TRABD2B: variants seen among roughly 807,000 people sequenced by gnomAD.
TRABD2B encodes TraB domain containing 2B.
A neutral mutation model predicts 40.1 loss-of-function variants in TRABD2B; 14 were observed. The ratio of observed to expected loss-of-function variants is 0.35; its 90% CI spans 0.23 to 0.55. The LOEUF (loss-of-function observed/expected upper bound fraction) is 0.55, where lower values mean the gene tolerates loss of function less well. TRABD2B is among the 20% of genes least tolerant of loss of function. The pLI, the probability that TRABD2B is intolerant of heterozygous loss-of-function variation, is 0.90. For synonymous variants in TRABD2B, 263 were observed against 277.0 expected, an observed-to-expected ratio of 0.95 and a Z score of 0.50; for missense variants, 541 against 648.6, an observed-to-expected ratio of 0.83 and a Z score of 1.80.
At chr1:47,957,982 G>A (rs1645449891) in intron 2 of TRABD2B, among the ~76,000 whole-genome samples, 1 of 152,158 alleles carries the variant, frequency 6.6e-6, no homozygotes, top group African/African-American at 2.4e-5. Context: ...ACCCACAAAG[G>A]GAAGCCCATC....
intron 2 of TRABD2B, among the ~76,000 whole-genome samples, chr1:47,953,222 C>T (rs1167623934): frequency 2.0e-5 from 3 of 152,210 alleles, no homozygotes; most frequent in Non-Finnish European, 4.4e-5. Flanking sequence ...GCAGATGATG[C>T]ACAGAGGGGT....
chr1:47,813,952 G>A lies in TRABD2B; in HGVS notation c.667-12333C>T, dbSNP rs984654694. 3.9e-5 allele frequency among the ~76,000 whole-genome samples: 6 copies of A among 152,174 alleles called. No individual in the cohort carries two copies. The highest frequency in any genetic ancestry group is 3.9e-4 in the East Asian group (2 of 5,188). ...GGGAGGAAGTTCCAGGAAGACTTGC[G>A]ACAAGATCAAGTAACATTCATTAAG... On this transcript the variant is annotated intron_variant, in intron 2 of 6. Coordinates refer to ENST00000606738, the MANE Select transcript of TRABD2B (RefSeq NM_001194986.2). The surrounding 1 kb of genome is among the most constrained non-coding windows in gnomAD (Gnocchi z 4.3).
At chr1:47,791,293 G>A (rs368976581) in intron 4 of TRABD2B, among the ~76,000 whole-genome samples, 58 of 152,304 alleles carry the variant, frequency 3.8e-4, no homozygotes, top group African/African-American at 1.2e-3. Context: ...TGGGCCTGTC[G>A]TGGAATGACA....
intron 2 of TRABD2B, among the ~76,000 whole-genome samples, chr1:47,889,708 G>A (rs956947808): frequency 6.6e-6 from 1 of 152,184 alleles, no homozygotes; most frequent in Non-Finnish European, 1.5e-5. Flanking sequence ...ATCCTGGACT[G>A]GGGCATTTCT....
At position 47,778,441 on chromosome 1, in the gene TRABD2B, A is replaced by G. The variant is rs79380234; in HGVS notation, c.1079+13T>C. 6.5e-7 allele frequency: 1 copy of G among 1,531,108 alleles called. No individual in the cohort carries two copies. Among genetic ancestry groups the G allele is most frequent in the Non-Finnish European group, 8.8e-7 (1 of 1,142,278 alleles). 94.8% of individuals were successfully genotyped at this position (1,531,108 alleles called of 1,614,324 possible). On this transcript the variant is annotated intron_variant, in intron 5 of 6. Coordinates refer to ENST00000606738, the MANE Select transcript of TRABD2B (RefSeq NM_001194986.2). ...GGTCAGTGAGGGCCAAGGCACACCCAGATGTGGCTTACCTGTGTATGGCCT... is the reference window on the plus strand; with the variant it reads ...GGTCAGTGAGGGCCAAGGCACACCCGGATGTGGCTTACCTGTGTATGGCCT...
intron 2 of TRABD2B, among the ~76,000 whole-genome samples, chr1:47,965,236 T>TGGGGGGGGGGGG (rs1645585082): frequency 3.1e-4 from 1 of 3,266 alleles, no homozygotes; most frequent in Non-Finnish European, 5.8e-4. Context: ...GGGGGGTGGA[T>TGGGGGGGGGGGG]GGGGAGGTGG....
chr1:47,896,143 C>G (rs563423680), intron 2 of TRABD2B, among the ~76,000 whole-genome samples: 15 of 152,346 alleles, frequency 9.8e-5, no homozygotes, highest in African/African-American at 3.4e-4. Flanking sequence ...TTATGAAATG[C>G]AATGACTGCC....
intron 2 of TRABD2B, among the ~76,000 whole-genome samples, chr1:47,864,286 G>T (rs1344330102): frequency 6.6e-6 from 1 of 151,910 alleles, no homozygotes; most frequent in African/African-American, 2.4e-5. Context: ...TTAATCAGTT[G>T]TAATGATGGA....
In TRABD2B at chr1:47,962,883, G is replaced by C. The variant is rs116239441; in HGVS notation, c.666+31151C>G. ...GGACAAGCCATGTATTGAGCACAAG[G>C]CTGCCTCCATTCACAGGAAGGGGTA... On this transcript the variant is annotated intron_variant, in intron 2 of 6. Coordinates refer to ENST00000606738, the MANE Select transcript of TRABD2B (RefSeq NM_001194986.2). Among the ~76,000 whole-genome samples the C allele has an allele frequency of 2.4e-3, 371 of 152,252 alleles. 2 individuals are homozygous for C. The highest frequency in any genetic ancestry group is 8.5e-3 in the African/African-American group (355 of 41,544).
chr1:47,830,004 C>G (rs990656786), intron 2 of TRABD2B, among the ~76,000 whole-genome samples: 1 of 152,074 alleles, frequency 6.6e-6, no homozygotes, highest in Non-Finnish European at 1.5e-5. Flanking sequence ...CCCCCCAAGC[C>G]TCTTCCATGA....
At chr1:47,868,458 G>A (rs571786214) in intron 2 of TRABD2B, among the ~76,000 whole-genome samples, 95 of 152,270 alleles carry the variant, frequency 6.2e-4, no homozygotes, top group Middle Eastern at 3.4e-3. Context: ...CATGGCCTGC[G>A]AGGAACTGGG....
intron 2 of TRABD2B, among the ~76,000 whole-genome samples, chr1:47,992,626 G>A (rs1646028229): frequency 6.6e-6 from 1 of 152,230 alleles, no homozygotes; most frequent in Admixed American, 6.5e-5. Context: ...GGCGGTGAGC[G>A]CCGGGGGTCC....
intron 2 of TRABD2B, among the ~76,000 whole-genome samples, chr1:47,936,437 G>A (rs958682408): frequency 1.3e-5 from 2 of 152,122 alleles, no homozygotes; most frequent in Non-Finnish European, 2.9e-5. Flanking sequence ...GAGGGCAAAG[G>A]GCAGACAGAC....
chr1:47,937,905 A>G (rs1285847644), intron 2 of TRABD2B, among the ~76,000 whole-genome samples: 1 of 152,138 alleles, frequency 6.6e-6, no homozygotes, highest in African/African-American at 2.4e-5. Context: ...AAGCAGGGGC[A>G]GTGCACATGT....
chr1:47,918,920 T>C (rs1326597938), intron 2 of TRABD2B, among the ~76,000 whole-genome samples: 1 of 152,190 alleles, frequency 6.6e-6, no homozygotes, highest in Admixed American at 6.5e-5. Flanking sequence ...GAAAACCACA[T>C]CAGGAGCTAA....
chr1:47,800,394 A>T (rs911023530), intron 3 of TRABD2B, among the ~76,000 whole-genome samples: 1 of 152,134 alleles, frequency 6.6e-6, no homozygotes, highest in Non-Finnish European at 1.5e-5. Context: ...TACCTGGGAG[A>T]GGCATTCGGC....
At chr1:47,872,841 C>T (rs1644164555) in intron 2 of TRABD2B, among the ~76,000 whole-genome samples, 1 of 152,088 alleles carries the variant, frequency 6.6e-6, no homozygotes, top group Admixed American at 6.5e-5. Flanking sequence ...ACCTGTGGGG[C>T]CCTCAGGGCT....
intron 2 of TRABD2B, among the ~76,000 whole-genome samples, chr1:47,960,286 T>A (rs919909557): frequency 6.6e-6 from 1 of 152,148 alleles, no homozygotes; most frequent in African/African-American, 2.4e-5. Context: ...CTGGAAGCAT[T>A]CCCTTTGAAA....
intron 2 of TRABD2B, among the ~76,000 whole-genome samples, chr1:47,838,543 G>A (rs547944381): frequency 6.6e-6 from 1 of 152,316 alleles, no homozygotes; most frequent in Non-Finnish European, 1.5e-5. Flanking sequence ...CTGTTTCCTG[G>A]TCAGTAACCC....
Sources: gnomAD v4.1 joint callset for allele counts (sites outside exome capture counted in the v4.1 genomes callset) on GRCh38, gnomAD v4.1.1 for gene constraint, Gnocchi (gnomAD v3.1) non-coding constraint, MANE v1.5 for transcripts, NCBI Gene and HGNC (gene_info 2026-07-23, HGNC 2026-07-21) for gene names.